Variants in AGR3 observed in about 807,000 individuals in gnomAD.
The protein encoded by AGR3 is anterior gradient 3, protein disulphide isomerase family member.
A neutral mutation model predicts 24.5 loss-of-function variants in AGR3; 37 were observed. The observed-to-expected ratio is 1.51, with a 90% CI of 1.16 to 1.99. AGR3 has a LOEUF of 1.99. AGR3 is among the 30% of genes most tolerant of loss of function. The probability of loss-of-function intolerance (pLI) is 0.00; values close to 1 mark genes in which losing one functional copy is unlikely to be tolerated. For missense variants in AGR3, 228 were observed against 191.1 expected (o/e 1.19, Z -1.14); for synonymous variants, 75 against 61.6 (o/e 1.22, Z -1.02).
intron 4 of AGR3, 113 bp downstream of exon 4, chr7:16,862,497 T>G (rs1208413511): frequency 1.7e-6 from 1 of 571,648 alleles, no homozygotes. Context: ...AGTTGTCTAT[T>G]TTTTTTAATG....
chr7:16,866,031 T>C, intron 3 of AGR3: 1 of 647,486 alleles, frequency 1.5e-6, no homozygotes, highest in South Asian at 1.5e-5. Context: ...TTTATATTTA[T>C]CTACCCATGG....
At chr7:16,872,303 C>T (rs183657836) in intron 3 of AGR3, among the ~76,000 whole-genome samples, 9 of 152,072 alleles carry the variant, frequency 5.9e-5, no homozygotes, top group East Asian at 3.9e-4. Context: ...AATAAATCCA[C>T]GTATTTAAAG....
intron 2 of AGR3, among the ~76,000 whole-genome samples, chr7:16,876,759 G>T (rs947913877): frequency 1.3e-5 from 2 of 152,138 alleles, no homozygotes; most frequent in Non-Finnish European, 2.9e-5. Context: ...GAACCTTTAA[G>T]TTGTTTAAAA....
chr7:16,864,904 C>A, intron 3 of AGR3: 1 of 899,298 alleles, frequency 1.1e-6, no homozygotes, highest in South Asian at 1.3e-5. Flanking sequence ...TTCACTGGCT[C>A]TCACAATATC....
chr7:16,861,270 A>T, intron 6 of AGR3, 114 bp downstream of exon 6: 1 of 724,082 alleles, frequency 1.4e-6, no homozygotes, highest in Non-Finnish European at 2.2e-6. Flanking sequence ...TTATTGGATT[A>T]GAAATGACTT....
chr7:16,855,388 C>G (rs1352069600), downstream of AGR3, among the ~76,000 whole-genome samples: 2 of 100,508 alleles, frequency 2.0e-5, no homozygotes, highest in Admixed American at 9.5e-5. Context: ...TCAGTAATCA[C>G]TAAACTTCTA....
intron 3 of AGR3, chr7:16,865,062 G>A (rs932788464): frequency 3.9e-5 from 31 of 787,668 alleles, no homozygotes; most frequent in Non-Finnish European, 2.8e-5. Context: ...CAACCAAGAT[G>A]AGTCTGATTC....
At chr7:16,871,536 A>G (rs1781864550) in intron 3 of AGR3, among the ~76,000 whole-genome samples, 1 of 152,120 alleles carries the variant, frequency 6.6e-6, no homozygotes, top group Non-Finnish European at 1.5e-5. Flanking sequence ...CAAGAAAGCA[A>G]TGCTATTTAC....
At chr7:16,875,563 A>G (rs1781971535) in intron 2 of AGR3, among the ~76,000 whole-genome samples, 1 of 152,246 alleles carries the variant, frequency 6.6e-6, no homozygotes, top group South Asian at 2.1e-4. Flanking sequence ...TAATGATGCT[A>G]TGAACATACA....
intron 4 of AGR3, 133 bp downstream of exon 4, chr7:16,862,477 G>A (rs1781668922): frequency 8.4e-6 from 4 of 476,238 alleles, no homozygotes; most frequent in Admixed American, 4.2e-5. Context: ...TAAAATGATG[G>A]TACTCTGGCA....
intron 3 of AGR3, among the ~76,000 whole-genome samples, chr7:16,866,711 TTTGAG>T (rs1045146837): frequency 5.9e-5 from 9 of 152,172 alleles, no homozygotes; most frequent in African/African-American, 1.7e-4. Context: ...ATCTTATATG[TTTGAG>T]TTACTTATTT....
At chr7:16,873,429 T>C (rs945819515) in intron 3 of AGR3, 1 of 177,574 alleles carries the variant, frequency 5.6e-6, no homozygotes, top group Non-Finnish European at 1.2e-5. Context: ...CTCTGGTTAT[T>C]AGAAGCTGGG....
At chr7:16,871,580 C>T (rs549934377) in intron 3 of AGR3, among the ~76,000 whole-genome samples, 11 of 152,220 alleles carry the variant, frequency 7.2e-5, no homozygotes, top group South Asian at 2.1e-4. Flanking sequence ...TGGTGGCTAA[C>T]GCCTGTAATC....
At chr7:16,863,620 C>T (rs988409596) in intron 3 of AGR3, among the ~76,000 whole-genome samples, 8 of 151,960 alleles carry the variant, frequency 5.3e-5, no homozygotes, top group African/African-American at 1.4e-4. Context: ...GATGCATGTT[C>T]ACATTTATGT....
At chr7:16,861,758 G>A (rs1343302483) in intron 5 of AGR3, among the ~76,000 whole-genome samples, 3 of 151,874 alleles carry the variant, frequency 2.0e-5, no homozygotes, top group African/African-American at 4.8e-5. Context: ...AAAATTAGCT[G>A]GGCATGGTGG....
rs1583848725 is a variant in AGR3 at position 16,878,767 on chromosome 7, T to C, written c.-27-122A>G. 3 of 641,170 alleles carry C rather than the reference T, an allele frequency of 4.7e-6. No individual in the cohort carries two copies. In the South Asian group the frequency reaches 6.2e-5, roughly 13 times the overall value. The allele number at this position is 641,170 out of a possible 1,614,324, so 39.7% of individuals were successfully genotyped here. On this transcript the variant is annotated intron_variant, in intron 1 of 7. Coordinates refer to ENST00000310398, the MANE Select transcript of AGR3 (RefSeq NM_176813.5). The stretch of plus-strand genomic sequence containing the variant: ...ACTGTTCAGCTTTTTTGGTTTGACA[T>C]GGTATAACCAACCACATAGAACTTT...
chr7:16,881,807 A>G (rs1217190684), intron 1 of AGR3, 137 bp downstream of exon 1: 2 of 377,874 alleles, frequency 5.3e-6, no homozygotes, highest in East Asian at 1.5e-4. Flanking sequence ...CCAGTTCAGT[A>G]AAAGAAGAAA....
Position 16,878,607 on chromosome 7 carries a change from G to A in AGR3, c.12C>T (p.His4=). The change falls in exon 2 of 8, where the codon CAC becomes CAT. Residue 4 remains histidine, a synonymous_variant. Transcript: ENST00000310398. ...GTAAGAGGCAGAGACCCAAAGCTGA[G>A]TGTAGCATCATGTCTTCTAGAGACT... MML[H]SALGLCLLLV... The A allele has an allele frequency of 6.2e-7, 1 of 1,614,040 alleles. No homozygotes were observed. The highest frequency in any genetic ancestry group is 1.1e-5 in the South Asian group (1 of 91,074).
chr7:16,855,556 T>C (rs1321771178), downstream of AGR3, among the ~76,000 whole-genome samples: 2 of 152,086 alleles, frequency 1.3e-5, no homozygotes, highest in Non-Finnish European at 1.5e-5. Flanking sequence ...TTTTGTCAGA[T>C]TGTGTGTGGG....
Sources: gnomAD v4.1 joint callset for allele counts (sites outside exome capture counted in the v4.1 genomes callset) on GRCh38, gnomAD v4.1.1 for gene constraint, MANE v1.5 for transcripts, NCBI Gene and HGNC (gene_info 2026-07-23, HGNC 2026-07-21) for gene names.